SPINK5: variants seen among roughly 807,000 people sequenced by gnomAD.
The protein encoded by SPINK5 is serine protease inhibitor Kazal-type 5.
SPINK5 carries 125 observed loss-of-function variants against 151.8 expected under a neutral mutation model. The ratio of observed to expected loss-of-function variants is 0.82; its 90% confidence interval spans 0.71 to 0.96. The LOEUF (loss-of-function observed/expected upper bound fraction) is 0.96. Ranked by LOEUF, SPINK5 falls within the 40% of genes least tolerant of loss-of-function variation. SPINK5 has a pLI of 0.00. For missense variants in SPINK5, 1,194 were observed against 1,291.9 expected, an observed-to-expected ratio of 0.92 and a Z score of 1.16; for synonymous variants, 374 against 395.3, an observed-to-expected ratio of 0.95 and a Z score of 0.64.
intron 22 of SPINK5, among the ~76,000 whole-genome samples, chr5:148,117,386 C>G (rs570173881): frequency 6.6e-6 from 1 of 152,296 alleles, no homozygotes; most frequent in African/African-American, 2.4e-5. Flanking sequence ...ATTTTTCTCT[C>G]TCTTCTATCT....
intron 21 of SPINK5, among the ~76,000 whole-genome samples, chr5:148,115,778 T>A (rs1441229284): frequency 1.3e-5 from 2 of 151,806 alleles, no homozygotes; most frequent in Non-Finnish European, 2.9e-5. Flanking sequence ...CAGCTGGAGA[T>A]CCCCAGTGAA....
At chr5:148,075,901 G>C (rs776986469) in intron 4 of SPINK5, among the ~76,000 whole-genome samples, 1 of 151,728 alleles carries the variant, frequency 6.6e-6, no homozygotes, top group Non-Finnish European at 1.5e-5. Flanking sequence ...GTCATACCCA[G>C]AGGTGTTTTC....
At position 148,099,495 on chromosome 5, in the gene SPINK5, AC is replaced by A. The variant is rs1561688033; in HGVS notation, c.1092+181del. On this transcript the variant is annotated intron_variant, in intron 12 of 32. Transcript: ENST00000256084. ...ATCCATTCTTGCTGATTAAAAACTA[AC>A]TCTGCAAAAAAAAAAAAAAAAAATT... 4.6e-5 allele frequency among the ~76,000 whole-genome samples: 6 copies of A among 131,122 alleles called. No individual in the cohort carries two copies. In the East Asian group the frequency reaches 1.4e-3, roughly 31 times the overall value. The allele number at this position is 131,122 out of a possible 152,430, so 86.0% of individuals were successfully genotyped here.
intron 19 of SPINK5, 142 bp downstream of exon 19, chr5:148,112,037 T>A: frequency 8.2e-7 from 1 of 1,223,934 alleles, no homozygotes; most frequent in Non-Finnish European, 1.2e-6. Flanking sequence ...TTTACTATTA[T>A]AAAGCCATAT....
intron 4 of SPINK5, among the ~76,000 whole-genome samples, chr5:148,082,219 T>A (rs1295665311): frequency 6.6e-6 from 1 of 151,562 alleles, no homozygotes; most frequent in Non-Finnish European, 1.5e-5. Context: ...TTTTCTATGG[T>A]GTTAATTCCT....
chr5:148,102,050 A>C, intron 15 of SPINK5, 142 bp downstream of exon 15: 1 of 1,216,034 alleles, frequency 8.2e-7, no homozygotes. Flanking sequence ...TGGACTAAAA[A>C]CAAACAACAG....
chr5:148,125,139 C>T (rs1754398163), intron 28 of SPINK5, among the ~76,000 whole-genome samples: 1 of 152,146 alleles, frequency 6.6e-6, no homozygotes. Context: ...CAACTGCATG[C>T]TTATCTTTGA....
chr5:148,089,455 A>G (rs74538946), intron 6 of SPINK5, 39 bp from the exon 7 acceptor site: 62,985 of 1,602,648 alleles, frequency 0.039, 1,786 homozygotes, highest in East Asian at 0.16. Context: ...TCAGCATTAC[A>G]ATCTTGGTAA....
At chr5:148,076,566 A>G (rs928860996) in intron 4 of SPINK5, among the ~76,000 whole-genome samples, 3 of 151,786 alleles carry the variant, frequency 2.0e-5, no homozygotes, top group African/African-American at 7.2e-5. Flanking sequence ...CAAAGTAACA[A>G]GAATATACAA....
Position 148,123,924 on chromosome 5 carries a change from T to C in SPINK5, c.2630T>C (p.Met877Thr). The change falls in exon 27 of 33, where the codon ATG becomes ACG. Residue 877 changes from methionine to threonine, a missense_variant. Coordinates refer to ENST00000256084, the MANE Select transcript of SPINK5 (RefSeq NM_006846.4). ...NNPVRGPYGKMHINKCAMCQS... is the reference protein window; with the variant it reads ...NNPVRGPYGKTHINKCAMCQS... ...CCTGTTCGAGGCCCATATGGCAAGATGCACATCAATAAATGTGCTATGTGT... is the reference window on the plus strand; with the variant it reads ...CCTGTTCGAGGCCCATATGGCAAGACGCACATCAATAAATGTGCTATGTGT... 1.2e-6 allele frequency: 2 copies of C among 1,614,060 alleles called. No individual in the cohort carries two copies. Among genetic ancestry groups the C allele is most frequent in the Non-Finnish European group, 1.7e-6 (2 of 1,179,978 alleles).
chr5:148,132,811 C>T (rs917549259), intron 31 of SPINK5, among the ~76,000 whole-genome samples: 7 of 152,158 alleles, frequency 4.6e-5, no homozygotes, highest in African/African-American at 1.7e-4. Context: ...GAACAATCCA[C>T]ACACATAATA....
At chr5:148,135,695 C>CTGA (rs1284145803) in intron 32 of SPINK5, among the ~76,000 whole-genome samples, 3 of 151,922 alleles carry the variant, frequency 2.0e-5, no homozygotes, top group Admixed American at 6.6e-5. Flanking sequence ...TAGCATTGTT[C>CTGA]TGATGACTAG....
intron 31 of SPINK5, among the ~76,000 whole-genome samples, chr5:148,131,796 A>C (rs1276907314): frequency 6.6e-6 from 1 of 152,164 alleles, no homozygotes; most frequent in Non-Finnish European, 1.5e-5. Flanking sequence ...CTGTGACTAT[A>C]ATATAGCTAC....
intron 32 of SPINK5, among the ~76,000 whole-genome samples, chr5:148,136,450 A>G (rs34427102): frequency 0.44 from 66,553 of 151,860 alleles, 15,301 homozygotes; most frequent in African/African-American, 0.58. Flanking sequence ...TGTGAAAGAA[A>G]ACTTCCTGAG....
chr5:148,105,312 TC>T (rs1317697876), intron 16 of SPINK5, among the ~76,000 whole-genome samples: 3 of 152,194 alleles, frequency 2.0e-5, no homozygotes, highest in African/African-American at 7.2e-5. Context: ...TTTACTAATT[TC>T]AATTTACATT....
intron 26 of SPINK5, among the ~76,000 whole-genome samples, 169 bp from the exon 27 acceptor site, chr5:148,123,664 T>C (rs955133458): frequency 2.0e-5 from 3 of 151,526 alleles, no homozygotes; most frequent in Middle Eastern, 3.4e-3. Context: ...AGATTCAAAC[T>C]TCTTAGGTAG....
chr5:148,065,474 T>G, intron 2 of SPINK5, 102 bp downstream of exon 2: 1 of 1,243,076 alleles, frequency 8.0e-7, no homozygotes, highest in Non-Finnish European at 1.2e-6. Flanking sequence ...CATATTATAC[T>G]GGTAGGTACT....
At chr5:148,123,391 T>C (rs1002845614) in intron 26 of SPINK5, among the ~76,000 whole-genome samples, 2 of 108,688 alleles carry the variant, frequency 1.8e-5, no homozygotes, top group African/African-American at 7.6e-5. Context: ...AGATTATATA[T>C]ATATATAGAT....
intron 4 of SPINK5, among the ~76,000 whole-genome samples, chr5:148,085,720 C>T (rs899279416): frequency 6.6e-6 from 1 of 151,846 alleles, no homozygotes; most frequent in Admixed American, 6.6e-5. Context: ...TGGGCTTTCT[C>T]CTGCCGTACC....
Sources: allele counts gnomAD v4.1 joint callset (sites outside exome capture counted in the v4.1 genomes callset), GRCh38; gene constraint gnomAD v4.1.1; transcripts MANE v1.5; gene names NCBI Gene and HGNC (gene_info 2026-07-23, HGNC 2026-07-21).